WDFY2: variants seen among roughly 807,000 people sequenced by gnomAD.
WDFY2 encodes WD repeat and FYVE domain-containing protein 2.
WDFY2 carries 36 observed loss-of-function variants against 56.4 expected under a neutral mutation model. The ratio of observed to expected loss-of-function variants is 0.64; its 90% CI spans 0.49 to 0.84. WDFY2 has a LOEUF of 0.84. Ranked by LOEUF, WDFY2 falls within the 40% of genes least tolerant of loss-of-function variation. The pLI is 0.00. For synonymous variants in WDFY2, 176 were observed against 183.7 expected (o/e 0.96, Z 0.34); for missense variants, 444 against 512.2 (o/e 0.87, Z 1.29).
rs144087010 is a variant in WDFY2, at chr13:51,660,785, T to C, written c.205+122T>C. 2.7e-3 allele frequency: 2,118 copies of C among 772,816 alleles called. 6 individuals carry two copies. The highest frequency in any genetic ancestry group is 9.6e-3 in the East Asian group (348 of 36,358). The allele number at this position is 772,816 out of a possible 1,614,324, so 47.9% of individuals were successfully genotyped here. A position where few individuals can be genotyped will look rare whatever the true frequency, so the allele number is the denominator to read the frequency against. On this transcript the variant is annotated intron_variant, in intron 2 of 11. Transcript: ENST00000298125. ...ATTCTCATTATAATGAAAAGTACCA[T>C]ATTAAATCATTTTAGATTTTCTAAG...
At chr13:51,661,741 G>A (rs576473822) in intron 2 of WDFY2, among the ~76,000 whole-genome samples, 8 of 152,138 alleles carry the variant, frequency 5.3e-5, no homozygotes, top group Non-Finnish European at 8.8e-5. Context: ...GTAAATAGAC[G>A]ATAATAACCA....
intron 8 of WDFY2, among the ~76,000 whole-genome samples, chr13:51,754,355 A>G (rs1442422382): frequency 6.6e-6 from 1 of 152,158 alleles, no homozygotes; most frequent in South Asian, 2.1e-4. Context: ...CCTGCCCTGT[A>G]TGAGACTCAG....
intron 7 of WDFY2, among the ~76,000 whole-genome samples, chr13:51,747,678 T>C (rs1953133997): frequency 6.6e-6 from 1 of 152,156 alleles, no homozygotes; most frequent in Non-Finnish European, 1.5e-5. Flanking sequence ...ACTACAGGCA[T>C]GTACCACCAC....
chr13:51,730,170 G>T (rs571453658), intron 6 of WDFY2, among the ~76,000 whole-genome samples: 1 of 152,178 alleles, frequency 6.6e-6, no homozygotes, highest in South Asian at 2.1e-4. Flanking sequence ...TTTCTTAAAA[G>T]AATATAATTT....
chr13:51,707,971 T>G (rs1738041005), intron 4 of WDFY2, among the ~76,000 whole-genome samples: 2 of 129,518 alleles, frequency 1.5e-5, no homozygotes, highest in South Asian at 2.6e-4. Flanking sequence ...TTTTTTTTTT[T>G]GGAGACTGAG....
intron 3 of WDFY2, among the ~76,000 whole-genome samples, chr13:51,679,172 C>G (rs1955937262): frequency 6.6e-6 from 1 of 152,094 alleles, no homozygotes; most frequent in Non-Finnish European, 1.5e-5. Context: ...CCATCCCACT[C>G]CAAGACTTCA....
chr13:51,710,340 G>T (rs2138602302), intron 4 of WDFY2, among the ~76,000 whole-genome samples: 1 of 152,182 alleles, frequency 6.6e-6, no homozygotes, highest in Middle Eastern at 3.4e-3. Flanking sequence ...CATACTGAAT[G>T]GGCAAAAACT....
Position 51,584,642 on chromosome 13 carries a change from C to A in WDFY2, c.-46C>A. ...CTCCAGCAGTCTCCTCAGCCCGGCC[C>A]CGCGGCGCGGTTGGCGGCGGCGCCC... On this transcript the variant is annotated 5_prime_UTR_variant, in exon 1 of 12. Coordinates refer to ENST00000298125, the MANE Select transcript of WDFY2 (RefSeq NM_052950.4). The A allele has an allele frequency of 6.3e-7, 1 of 1,584,900 alleles. No individual in the cohort carries two copies. Among genetic ancestry groups the A allele is most frequent in the Admixed American group, 1.8e-5 (1 of 55,664 alleles).
chr13:51,744,721 C>T (rs1454958069), intron 7 of WDFY2, among the ~76,000 whole-genome samples: 1 of 152,158 alleles, frequency 6.6e-6, no homozygotes, highest in Non-Finnish European at 1.5e-5. Context: ...ATTTGCAGTG[C>T]AGTACATGGT....
chr13:51,669,473 C>A (rs1421269479), intron 2 of WDFY2, among the ~76,000 whole-genome samples: 1 of 152,092 alleles, frequency 6.6e-6, no homozygotes, highest in Non-Finnish European at 1.5e-5. Flanking sequence ...CATAGACCTG[C>A]ACAGTTTAGT....
chr13:51,747,607 C>T (rs747993678), intron 7 of WDFY2, among the ~76,000 whole-genome samples: 1 of 152,238 alleles, frequency 6.6e-6, no homozygotes, highest in Non-Finnish European at 1.5e-5. Flanking sequence ...TCACAGCTCA[C>T]TGCAGCCTCA....
chr13:51,647,199 G>A (rs1038800891), intron 1 of WDFY2, among the ~76,000 whole-genome samples: 3 of 152,154 alleles, frequency 2.0e-5, no homozygotes, highest in Admixed American at 1.3e-4. Context: ...ACAGTCATGT[G>A]TCACCTAACA....
rs71192015 is a variant in WDFY2, at chr13:51,718,559, TACACACACACACAC to T, written c.335-608_335-595del. Among the ~76,000 whole-genome samples the T allele has an allele frequency of 5.3e-4, 74 of 138,758 alleles. No individual in the cohort carries two copies. The Middle Eastern group carries it at 0.011, about 21-fold the overall frequency. The allele number at this position is 138,758 out of a possible 152,430, so 91.0% of individuals were successfully genotyped here. On this transcript the variant is annotated intron_variant, in intron 4 of 11. Transcript: ENST00000298125. The stretch of plus-strand genomic sequence containing the variant: ...GGAAATTTGCTCTTATTATCATTCA[TACACACACACACAC>T]ACACACACACACACACACACACACA...
chr13:51,665,819 A>G (rs925448414), intron 2 of WDFY2, among the ~76,000 whole-genome samples: 6 of 152,224 alleles, frequency 3.9e-5, no homozygotes, highest in African/African-American at 9.6e-5. Flanking sequence ...GGGCAGGCAA[A>G]TGGAATTTAC....
At chr13:51,684,472 T>G (rs185717211) in intron 3 of WDFY2, among the ~76,000 whole-genome samples, 1 of 152,156 alleles carries the variant, frequency 6.6e-6, no homozygotes, top group African/African-American at 2.4e-5. Context: ...TCCCGAAGGT[T>G]CTGCCCTCCT....
At chr13:51,621,226 C>T (rs577951271) in intron 1 of WDFY2, among the ~76,000 whole-genome samples, 10 of 152,216 alleles carry the variant, frequency 6.6e-5, no homozygotes, top group East Asian at 3.9e-4. Context: ...TATTCTTGGC[C>T]GGGCGCGGTG....
chr13:51,746,161 T>C (rs2011276), intron 7 of WDFY2, among the ~76,000 whole-genome samples: 20,220 of 151,782 alleles, frequency 0.13, 1,828 homozygotes, highest in African/African-American at 0.23. Flanking sequence ...TTTGTATTTT[T>C]AGTAGAGACA....
intron 6 of WDFY2, 54 bp downstream of exon 6, chr13:51,727,844 G>A: frequency 6.6e-7 from 1 of 1,518,716 alleles, no homozygotes; most frequent in Non-Finnish European, 9.1e-7. Flanking sequence ...GATATCGCCT[G>A]CTGCATCTCC....
At chr13:51,619,071 ACTGT>A (rs1954677190) in intron 1 of WDFY2, among the ~76,000 whole-genome samples, 2 of 152,232 alleles carry the variant, frequency 1.3e-5, no homozygotes, top group African/African-American at 2.4e-5. Context: ...TGTGTGCCTC[ACTGT>A]CTTTCTTTGA....
Sources: allele counts gnomAD v4.1 joint callset (sites outside exome capture counted in the v4.1 genomes callset), GRCh38; gene constraint gnomAD v4.1.1; transcripts MANE v1.5; gene names NCBI Gene and HGNC (gene_info 2026-07-23, HGNC 2026-07-21).